RPH3AL: variants seen among roughly 807,000 people sequenced by gnomAD.
The protein encoded by RPH3AL is rab effector Noc2.
RPH3AL carries 38 observed loss-of-function variants against 43.1 expected under a neutral mutation model. The ratio of observed to expected loss-of-function variants is 0.88; its 90% confidence interval spans 0.68 to 1.15. The LOEUF is 1.15. RPH3AL is among the 50% of genes most tolerant of loss of function. The pLI is 0.00. For missense variants in RPH3AL, 462 were observed against 423.2 expected, an observed-to-expected ratio of 1.09 and a Z score of -0.81; for synonymous variants, 189 against 176.3, an observed-to-expected ratio of 1.07 and a Z score of -0.57.
In RPH3AL at chr17:336,548, C is replaced by G. The variant is rs138097611; in HGVS notation, c.-212-2614G>C. On this transcript the variant is annotated intron_variant, in intron 1 of 9. Transcript: ENST00000331302. Reference sequence around the variant, plus strand: ...GATGCTCCTCCTCTCTTGCCCAGACCGTGGCAAATCTTCCTCATCTGCCTT... The same window carrying G: ...GATGCTCCTCCTCTCTTGCCCAGACGGTGGCAAATCTTCCTCATCTGCCTT... 2.6e-5 allele frequency among the ~76,000 whole-genome samples: 4 copies of G among 152,174 alleles called. No homozygotes were observed. The East Asian group carries it at 7.7e-4, about 29-fold the overall frequency.
intron 3 of RPH3AL, among the ~76,000 whole-genome samples, chr17:324,690 T>TAGCTAGCTAG (rs1567524338): frequency 1.3e-5 from 2 of 149,690 alleles, no homozygotes; most frequent in African/African-American, 5.0e-5. Context: ...TTTCTATCTA[T>TAGCTAGCTAG]CTAGCTAGCT....
chr17:219,769 C>G (rs768280313), intron 7 of RPH3AL, 33 bp from the exon 8 acceptor site: 2 of 1,507,126 alleles, frequency 1.3e-6, no homozygotes, highest in Non-Finnish European at 1.8e-6. Flanking sequence ...CAGGAGGTCA[C>G]CCGACCAGCC....
rs1555519613 is a variant in RPH3AL at position 315,213 on chromosome 17, GTAGTCTCTGTGCCCCCACCTTCATTC to G, written c.351+4181_351+4206del. ...CCCTGTGCTCCACCTCCATTCACCT[GTAGTCTCTGTGCCCCCACCTTCATTC>G]ACCTGTAGTCCCTGTGCCCCCACCT... On this transcript the variant is annotated intron_variant, in intron 5 of 9. Transcript: ENST00000331302. Among the ~76,000 whole-genome samples, 233 of 103,830 alleles carry G rather than the reference GTAGTCTCTGTGCCCCCACCTTCATTC, an allele frequency of 2.2e-3. 5 individuals are homozygous for G. Among genetic ancestry groups the G allele is most frequent in the Admixed American group, 5.1e-3 (37 of 7,298 alleles). The allele number at this position is 103,830 out of a possible 152,430, so 68.1% of individuals were successfully genotyped here.
rs186949104 is a variant in RPH3AL at position 250,159 on chromosome 17, C to G, written c.439-2874G>C. On this transcript the variant is annotated intron_variant, in intron 6 of 9. Transcript: ENST00000331302. Reference sequence around the variant, plus strand: ...GAGCCTTTACTAAGCTCCATCGCTGCGGGACCTCTCAGAGCCTTTACTAAG... The same window carrying G: ...GAGCCTTTACTAAGCTCCATCGCTGGGGGACCTCTCAGAGCCTTTACTAAG... Among the ~76,000 whole-genome samples the G allele has an allele frequency of 8.2e-3, 1,212 of 148,140 alleles. 28 individuals are homozygous for G. The highest frequency in any genetic ancestry group is 0.053 in the Admixed American group (772 of 14,614).
chr17:252,381 G>A (rs1200647763), intron 6 of RPH3AL, among the ~76,000 whole-genome samples: 5 of 152,038 alleles, frequency 3.3e-5, no homozygotes, highest in Admixed American at 2.6e-4. Context: ...GCACAGAGAC[G>A]CCCTGCTGAC....
intron 5 of RPH3AL, among the ~76,000 whole-genome samples, chr17:316,753 A>G (rs1361595228): frequency 2.8e-5 from 3 of 107,306 alleles, no homozygotes; most frequent in African/African-American, 1.1e-4. Flanking sequence ...CATGTGCCCC[A>G]CCTCCATTGA....
chr17:253,310 C>G (rs1282213606), intron 6 of RPH3AL, among the ~76,000 whole-genome samples: 1 of 152,092 alleles, frequency 6.6e-6, no homozygotes, highest in Admixed American at 6.5e-5. Context: ...GGTGACTTGG[C>G]AATGTGGCCA....
In RPH3AL at chr17:270,065, G is replaced by A. The variant is rs117071790; in HGVS notation, c.438+11703C>T. ...GTCTCTCTGGCAGAGCCACAGAGGC[G>A]TGGGAGGCGACCAACACACTGAGGA... On this transcript the variant is annotated intron_variant, in intron 6 of 9. Coordinates refer to ENST00000331302, the MANE Select transcript of RPH3AL (RefSeq NM_006987.4). Among the ~76,000 whole-genome samples the A allele has an allele frequency of 6.2e-4, 95 of 152,258 alleles. 2 individuals carry two copies. The East Asian group carries it at 9.5e-3, about 15-fold the overall frequency.
At chr17:295,077 G>T (rs1210496964) in intron 5 of RPH3AL, among the ~76,000 whole-genome samples, 1 of 136,554 alleles carries the variant, frequency 7.3e-6, no homozygotes, top group Non-Finnish European at 1.5e-5. Flanking sequence ...ACATCAGTGT[G>T]GGAAGGACAG....
At chr17:272,985 T>TCAGGAAGAGACCCCAGCGAGGGGG (rs1567604470) in intron 6 of RPH3AL, among the ~76,000 whole-genome samples, 1 of 36,360 alleles carries the variant, frequency 2.8e-5, no homozygotes, top group African/African-American at 8.8e-5. Flanking sequence ...CAGCAAGGGC[T>TCAGGAAGAGACCCCAGCGAGGGGG]ACGTCAGGGT....
chr17:273,576 G>T (rs12940415), intron 6 of RPH3AL, among the ~76,000 whole-genome samples: 113 of 7,506 alleles, frequency 0.015, 50 homozygotes, highest in African/African-American at 0.059. Context: ...CGAGGGTGAC[G>T]TCAGGGTGAG....
chr17:302,278 C>G (rs1426063767), intron 5 of RPH3AL, among the ~76,000 whole-genome samples: 1 of 152,240 alleles, frequency 6.6e-6, no homozygotes. Flanking sequence ...GAGAGGGAAA[C>G]AGATTTTCAT....
rs190170949 is a variant in RPH3AL, at chr17:289,314, T to A, written c.352-7460A>T. ...AGTGAAGGCAGCCAGCATCCATCAGTCACACAAGCCACAACCCAGCACTCA... is the reference window on the plus strand; with the variant it reads ...AGTGAAGGCAGCCAGCATCCATCAGACACACAAGCCACAACCCAGCACTCA... On this transcript the variant is annotated intron_variant, in intron 5 of 9. Transcript: ENST00000331302. The surrounding 1 kb of genome is among the most constrained non-coding windows in gnomAD (Gnocchi z 5.2). Among the ~76,000 whole-genome samples, 1 of 151,968 alleles carries A rather than the reference T, an allele frequency of 6.6e-6. No homozygotes were observed. The highest frequency in any genetic ancestry group is 2.1e-4 in the South Asian group (1 of 4,798).
intron 5 of RPH3AL, among the ~76,000 whole-genome samples, chr17:304,620 G>A (rs1016327337): frequency 7.9e-5 from 12 of 152,008 alleles, no homozygotes; most frequent in Non-Finnish European, 1.8e-4. Flanking sequence ...CTGTCACGAC[G>A]ATTCCACCCG....
At chr17:319,019 G>T (rs28454961) in intron 5 of RPH3AL, among the ~76,000 whole-genome samples, 3 of 152,154 alleles carry the variant, frequency 2.0e-5, no homozygotes, top group Non-Finnish European at 4.4e-5. Flanking sequence ...AGAGTTTTGC[G>T]TTGAAGAATA....
chr17:250,530 C>G (rs989204832), intron 6 of RPH3AL, among the ~76,000 whole-genome samples: 5 of 148,692 alleles, frequency 3.4e-5, no homozygotes, highest in Admixed American at 1.3e-4. Context: ...CTCTCAGAGC[C>G]TTTACTAAGC....
Position 321,310 on chromosome 17 carries a change from C to T in RPH3AL, c.183G>A (p.Arg61=). 2 of 1,610,998 alleles carry T rather than the reference C, an allele frequency of 1.2e-6. No individual in the cohort carries two copies. The highest frequency in any genetic ancestry group is 1.3e-5 in the African/African-American group (1 of 75,042). ...EVEAILQVIQ[R]AERLDVLEQQ... ...GCTCCAGGACGTCGAGCCGCTCTGCCCTCTGGATGACCTGCAGGATGGCCT... is the reference window on the plus strand; with the variant it reads ...GCTCCAGGACGTCGAGCCGCTCTGCTCTCTGGATGACCTGCAGGATGGCCT... Residue 61 remains arginine (R), a synonymous_variant, in exon 4 of 10, where the codon AGG becomes AGA. Coordinates refer to ENST00000331302, the MANE Select transcript of RPH3AL (RefSeq NM_006987.4).
At chr17:311,891 A>G (rs1481959153) in intron 5 of RPH3AL, among the ~76,000 whole-genome samples, 1 of 152,112 alleles carries the variant, frequency 6.6e-6, no homozygotes, top group South Asian at 2.1e-4. Flanking sequence ...CAAAATTCCT[A>G]TGTTGAAGCC....
chr17:232,855 T>C (rs2041262780), intron 7 of RPH3AL, among the ~76,000 whole-genome samples: 1 of 117,574 alleles, frequency 8.5e-6, no homozygotes, highest in Non-Finnish European at 2.0e-5. Context: ...TGTGTGTGTG[T>C]GTGTGTGTGT....
Sources: gnomAD v4.1 joint callset for allele counts (sites outside exome capture counted in the v4.1 genomes callset) on GRCh38, gnomAD v4.1.1 for gene constraint, Gnocchi (gnomAD v3.1) non-coding constraint, MANE v1.5 for transcripts, NCBI Gene and HGNC (gene_info 2026-07-23, HGNC 2026-07-21) for gene names.